Variants in ARL13A observed in about 807,000 individuals in gnomAD.
The protein encoded by ARL13A is ARF like GTPase 13A.
Under a neutral mutation model 19.1 loss-of-function variants are expected in ARL13A, and 16 were observed. The observed-to-expected ratio is 0.84, with a 90% CI of 0.57 to 1.27. The LOEUF (loss-of-function observed/expected upper bound fraction) is 1.27. Among genes scored for constraint, ARL13A ranks in the 50% most tolerant of loss-of-function variants. The probability of loss-of-function intolerance (pLI) is 0.00; values close to 1 mark genes in which losing one functional copy is unlikely to be tolerated. For missense variants in ARL13A, 153 were observed against 186.4 expected (o/e 0.82, Z 1.04); for synonymous variants, 69 against 71.3 (o/e 0.97, Z 0.17).
chrX:100,975,310 T>C (rs1569460975), intron 3 of ARL13A, among the ~76,000 whole-genome samples: 1 of 111,339 alleles, frequency 9.0e-6, no homozygotes, highest in Non-Finnish European at 1.9e-5. Context: ...TCCATCATTA[T>C]CTACCTGCTA....
intron 3 of ARL13A, among the ~76,000 whole-genome samples, chrX:100,978,157 A>G (rs1310107796): frequency 3.6e-5 from 4 of 112,463 alleles, no homozygotes; most frequent in African/African-American, 1.3e-4. Context: ...CAGAATGATC[A>G]ATATGCTGAG....
At chrX:100,989,625 G>T (rs1469938116) in intron 7 of ARL13A, among the ~76,000 whole-genome samples, 2 of 107,394 alleles carry the variant, frequency 1.9e-5, no homozygotes, top group Non-Finnish European at 3.9e-5. Flanking sequence ...AAAAAAAAAA[G>T]ACATTTTCTT....
chrX:100,982,466 T>C (rs1257123479), intron 3 of ARL13A, among the ~76,000 whole-genome samples: 3 of 76,127 alleles, frequency 3.9e-5, no homozygotes, highest in Non-Finnish European at 5.1e-5. Context: ...CACTCCAGGC[T>C]TAAAAAATAA....
chrX:100,987,652 G>A (rs2085955754), intron 6 of ARL13A, 96 bp downstream of exon 6: 1 of 1,003,448 alleles, frequency 1.0e-6, no homozygotes, highest in African/African-American at 1.9e-5. Flanking sequence ...TTGGATCCTG[G>A]GTGGCATTGA....
At chrX:100,990,287 T>C (rs150611976) in intron 7 of ARL13A, 44,207 of 825,428 alleles carry the variant, frequency 0.054, 887 homozygotes, top group South Asian at 0.11. Flanking sequence ...AGCCTGGCAC[T>C]TGGCTTCACT....
intron 3 of ARL13A, among the ~76,000 whole-genome samples, chrX:100,977,907 T>C (rs934892669): frequency 2.7e-5 from 3 of 112,365 alleles, no homozygotes; most frequent in Non-Finnish European, 3.8e-5. Context: ...CATTCATCTG[T>C]TGATGGACTC....
intron 1 of ARL13A, 27 bp from the exon 2 acceptor site, chrX:100,973,646 CTTA>C: frequency 8.4e-7 from 1 of 1,185,091 alleles, no homozygotes; most frequent in Non-Finnish European, 1.1e-6. Context: ...GGACTTACTT[CTTA>C]TTTTCTTTCT....
Position 100,970,670 on chromosome X carries a change from C to T in ARL13A, c.-15+861C>T, listed in dbSNP as rs574068479. Among the ~76,000 whole-genome samples, 16 of 107,862 alleles carry T rather than the reference C, an allele frequency of 1.5e-4. No homozygotes were observed. The Admixed American group carries it at 1.6e-3, about 11-fold the overall frequency. The allele number at this position is 107,862 out of a possible 115,157, so 93.7% of individuals were successfully genotyped here. A position where few individuals can be genotyped will look rare whatever the true frequency, so the allele number is the denominator to read the frequency against. On this transcript the variant is annotated intron_variant, in intron 1 of 7. Coordinates refer to ENST00000450049, the MANE Select transcript of ARL13A (RefSeq NM_001162491.2). ...ATATGAAAAGTTAGCCCTGCATATA[C>T]GTGGGTTTCACATTCACAAATATCC...
rs146719592 is a variant in ARL13A, at chrX:100,970,202, T to C, written c.-15+393T>C. 9.9e-3 allele frequency among the ~76,000 whole-genome samples: 1,115 copies of C among 112,682 alleles called. 14 individuals carry two copies. Among genetic ancestry groups the C allele is most frequent in the African/African-American group, 0.034 (1,069 of 31,035 alleles). On this transcript the variant is annotated intron_variant, in intron 1 of 7. Coordinates refer to ENST00000450049, the MANE Select transcript of ARL13A (RefSeq NM_001162491.2). ...GTCATATCAGCTTCATGTGCAAAAC[T>C]GGAGTAAGGCTGGTTTTGATCACAG...
intron 3 of ARL13A, among the ~76,000 whole-genome samples, chrX:100,981,960 A>G (rs1054295420): frequency 2.7e-5 from 3 of 109,735 alleles, no homozygotes; most frequent in Admixed American, 2.0e-4. Flanking sequence ...TGGCCATCTT[A>G]TGCCGCCATC....
At chrX:100,975,020 T>TC (rs1043653441) in intron 3 of ARL13A, among the ~76,000 whole-genome samples, 10 of 111,015 alleles carry the variant, frequency 9.0e-5, no homozygotes, top group Non-Finnish European at 1.5e-4. Context: ...TCTCCATTTG[T>TC]CCCCCCCAGT....
chrX:100,984,024 G>A (rs1367726581), intron 3 of ARL13A, among the ~76,000 whole-genome samples: 1 of 111,566 alleles, frequency 9.0e-6, no homozygotes, highest in Non-Finnish European at 1.9e-5. Flanking sequence ...CTACTAATGT[G>A]GGAAGAGAGC....
chrX:100,979,063 A>G (rs759272582), intron 3 of ARL13A, among the ~76,000 whole-genome samples: 1 of 111,652 alleles, frequency 9.0e-6, no homozygotes, highest in East Asian at 2.8e-4. Flanking sequence ...GTTTCTATTT[A>G]TATCTTATTA....
chrX:100,988,279 T>A lies in ARL13A; in HGVS notation c.740T>A (p.Leu247Gln), dbSNP rs1348458568. The A allele has an allele frequency of 1.8e-5, 22 of 1,207,911 alleles. No homozygotes were observed. The highest frequency in any genetic ancestry group is 2.1e-5 in the Non-Finnish European group (19 of 893,037). Reference sequence around the variant, plus strand: ...GAAGCTAAGCCTCTAAAGTCAATCCTACAGGTAAATGGCCCTTTAAATGTT... The same window carrying A: ...GAAGCTAAGCCTCTAAAGTCAATCCAACAGGTAAATGGCCCTTTAAATGTT... Reference protein sequence around the residue: ...SIEAKPLKSILQPSNQSYTH With the variant: ...SIEAKPLKSIQQPSNQSYTH The change falls in exon 7 of 8, where the codon CTA becomes CAA. Residue 247 changes from leucine (L) to glutamine (Q), a missense_variant. Physicochemically the swap from Leu to Gln is moderately radical, Grantham distance 113. Transcript: ENST00000450049.
At chrX:100,989,541 C>T (rs1241269955) in intron 7 of ARL13A, among the ~76,000 whole-genome samples, 1 of 105,623 alleles carries the variant, frequency 9.5e-6, no homozygotes, top group African/African-American at 3.5e-5. Flanking sequence ...ACCCAGGAGG[C>T]GGAGTTTGCA....
intron 1 of ARL13A, among the ~76,000 whole-genome samples, chrX:100,971,695 G>T (rs1602431023): frequency 2.2e-5 from 1 of 45,171 alleles, no homozygotes; most frequent in Non-Finnish European, 3.7e-5. Flanking sequence ...TCATTTATGA[G>T]TTTCTATTGC....
In ARL13A at chrX:100,988,196, C is replaced by T; in HGVS notation, c.657C>T (p.Phe219=). The change falls in exon 7 of 8, where the codon TTC becomes TTT. Residue 219 remains phenylalanine (F), a synonymous_variant. Coordinates refer to ENST00000450049, the MANE Select transcript of ARL13A (RefSeq NM_001162491.2). The part of the protein sequence containing the change: ...GSGERCSSHS[F]STRTGMSKEK... ...TGTCCTTTCCATCTTCCACCAGCTTCTCCACCAGAACAGGAATGTCAAAGG... is the reference window on the plus strand; with the variant it reads ...TGTCCTTTCCATCTTCCACCAGCTTTTCCACCAGAACAGGAATGTCAAAGG... The T allele has an allele frequency of 8.3e-7, 1 of 1,205,880 alleles. No individual in the cohort carries two copies. Among genetic ancestry groups the T allele is most frequent in the Non-Finnish European group, 1.1e-6 (1 of 891,971 alleles).
chrX:100,974,336 C>T (rs776179018), intron 3 of ARL13A, 139 bp downstream of exon 3: 10 of 456,934 alleles, frequency 2.2e-5, no homozygotes, highest in South Asian at 3.4e-5. Context: ...CTAACACACA[C>T]GCACACACAC....
At chrX:100,984,274 C>T (rs1172319304) in intron 3 of ARL13A, among the ~76,000 whole-genome samples, 2 of 108,911 alleles carry the variant, frequency 1.8e-5, no homozygotes, top group Non-Finnish European at 3.8e-5. Flanking sequence ...CCACCGCACC[C>T]GGCTAAGTTG....
Sources: gnomAD v4.1 joint callset for allele counts (sites outside exome capture counted in the v4.1 genomes callset) on GRCh38, gnomAD v4.1.1 for gene constraint, MANE v1.5 for transcripts, NCBI Gene and HGNC (gene_info 2026-07-23, HGNC 2026-07-21) for gene names.